SEC31A: variants seen among roughly 807,000 people sequenced by gnomAD.
SEC31A encodes the protein SEC31 homolog A, COPII component.
Under a neutral mutation model 151.0 loss-of-function variants are expected in SEC31A, and 70 were observed. The ratio of observed to expected loss-of-function variants is 0.46; its 90% CI spans 0.38 to 0.57. SEC31A has a LOEUF of 0.57. SEC31A is among the 20% of genes least tolerant of loss of function. The probability of loss-of-function intolerance (pLI) is 0.00; values close to 1 mark genes in which losing one functional copy is unlikely to be tolerated. For missense variants in SEC31A, 1,330 were observed against 1,471.2 expected, an observed-to-expected ratio of 0.90 and a Z score of 1.57; for synonymous variants, 475 against 505.9, an observed-to-expected ratio of 0.94 and a Z score of 0.82.
chr4:82,879,466 T>C (rs1738782759), intron 3 of SEC31A, among the ~76,000 whole-genome samples: 1 of 151,864 alleles, frequency 6.6e-6, no homozygotes, highest in African/African-American at 2.4e-5. Context: ...AAAGAATGTA[T>C]TCTAATGGTA....
In SEC31A at chr4:82,848,898, G is replaced by A. The variant is rs776995560; in HGVS notation, c.2408C>T (p.Pro803Leu). The A allele has an allele frequency of 6.8e-6, 11 of 1,613,922 alleles. No homozygotes were observed. Among genetic ancestry groups the A allele is most frequent in the African/African-American group, 4.0e-5 (3 of 74,874 alleles). ...PVAGHESPKI[P>L]YEKQQLPKGR... Reference sequence around the variant, plus strand: ...CTTGGGGAGCTGCTGTTTCTCGTACGGAATTTTAGGTGATTCATGTCCTGC... The same window carrying A: ...CTTGGGGAGCTGCTGTTTCTCGTACAGAATTTTAGGTGATTCATGTCCTGC... Residue 803 changes from proline to leucine, a missense_variant, in exon 20 of 27, where the codon CCG becomes CTG. Pro to Leu is a moderately conservative substitution (Grantham distance 98). Coordinates refer to ENST00000395310, the MANE Select transcript of SEC31A (RefSeq NM_001077207.4).
At chr4:82,854,324 T>G (rs1732124457) in intron 17 of SEC31A, among the ~76,000 whole-genome samples, 1 of 145,128 alleles carries the variant, frequency 6.9e-6, no homozygotes, top group African/African-American at 2.6e-5. Context: ...GATTGTGCCA[T>G]CGCACTCCAG....
chr4:82,891,138 G>GACTCTCCCAGCATTCGCCGC lies in SEC31A; in HGVS notation c.-56_-55insGCGGCGAATGCTGGGAGAGT. 1 of 1,535,918 alleles carries GACTCTCCCAGCATTCGCCGC rather than the reference G, an allele frequency of 6.5e-7. No individual in the cohort carries two copies. Among genetic ancestry groups the GACTCTCCCAGCATTCGCCGC allele is most frequent in the Non-Finnish European group, 8.7e-7 (1 of 1,146,780 alleles). ...TCCTGCGTTAGTGCAGCGCTCGTCG[G>GACTCTCCCAGCATTCGCCGC]ACTCTCCCAGCATTCGCCGCCGCCC... On this transcript the variant is annotated 5_prime_UTR_variant, in exon 1 of 27. It adds an upstream start codon to the 5' untranslated region. Coordinates refer to ENST00000395310, the MANE Select transcript of SEC31A (RefSeq NM_001077207.4).
At chr4:82,873,399 AC>A (rs1737195831) in intron 6 of SEC31A, among the ~76,000 whole-genome samples, 2 of 113,770 alleles carry the variant, frequency 1.8e-5, no homozygotes, top group Admixed American at 1.1e-4. Context: ...CACACAAGAC[AC>A]AAAAAAACCC....
At chr4:82,841,921 G>A (rs1017746130) in intron 22 of SEC31A, among the ~76,000 whole-genome samples, 4 of 151,728 alleles carry the variant, frequency 2.6e-5, no homozygotes, top group African/African-American at 4.8e-5. Flanking sequence ...GCAGTAAGCC[G>A]AGAGTGCACC....
chr4:82,844,032 A>G, intron 21 of SEC31A: 1 of 250,610 alleles, frequency 4.0e-6, no homozygotes, highest in Admixed American at 5.4e-5. Context: ...CCATTTTTCC[A>G]AAAATAATTT....
rs530602575 is a variant in SEC31A at position 82,844,439 on chromosome 4, G to C, written c.2573C>G (p.Pro858Arg). 1.9e-6 allele frequency: 3 copies of C among 1,614,022 alleles called. No individual in the cohort carries two copies. The highest frequency in any genetic ancestry group is 1.3e-5 in the African/African-American group (1 of 75,036). Residue 858 changes from proline to arginine, a missense_variant, in exon 21 of 27, where the codon CCC becomes CGC. Coordinates refer to ENST00000395310, the MANE Select transcript of SEC31A (RefSeq NM_001077207.4). ...GGTGTGCATATGACCTGGAGATGTGGGAAGCTGACCAGCAGCATTTGGATT... is the reference window on the plus strand; with the variant it reads ...GGTGTGCATATGACCTGGAGATGTGCGAAGCTGACCAGCAGCATTTGGATT... ...NVNPNAAGQL[P>R]TSPGHMHTQV...
intron 22 of SEC31A, among the ~76,000 whole-genome samples, chr4:82,837,826 T>A (rs1367222164): frequency 6.6e-6 from 1 of 152,158 alleles, no homozygotes; most frequent in African/African-American, 2.4e-5. Context: ...CTGGAAACCT[T>A]CTTAGGTACT....
chr4:82,870,311 T>C lies in SEC31A; in HGVS notation c.882+14A>G, dbSNP rs541206159. ...ATAAGGGCTACAAGGTTGAGACACA[T>C]TTCCTGCCCATACCTCTCCTGTGTT... On this transcript the variant is annotated intron_variant, in intron 8 of 26. Transcript: ENST00000395310. 2.5e-6 allele frequency: 4 copies of C among 1,600,262 alleles called. No individual in the cohort carries two copies. The highest frequency in any genetic ancestry group is 2.7e-5 in the African/African-American group (2 of 74,718).
At chr4:82,875,256 CAG>C (rs1052228585) in intron 5 of SEC31A, among the ~76,000 whole-genome samples, 40 of 152,252 alleles carry the variant, frequency 2.6e-4, no homozygotes, top group African/African-American at 8.7e-4. Context: ...TAAAGAAACT[CAG>C]GGAAGAACAG....
At chr4:82,849,475 G>A (rs1198579898) in intron 19 of SEC31A, among the ~76,000 whole-genome samples, 3 of 151,976 alleles carry the variant, frequency 2.0e-5, no homozygotes, top group Non-Finnish European at 2.9e-5. Context: ...TTAGCTGGGT[G>A]TGGTGGCGGG....
chr4:82,886,879 TTA>T (rs1740849907), intron 1 of SEC31A, among the ~76,000 whole-genome samples: 1 of 152,228 alleles, frequency 6.6e-6, no homozygotes, highest in Admixed American at 6.5e-5. Flanking sequence ...ATGTGCTATC[TTA>T]TCTCACCAAC....
At chr4:82,869,382 A>G (rs2045481) in intron 8 of SEC31A, among the ~76,000 whole-genome samples, 150,891 of 151,480 alleles carry the variant, frequency 1, 75,155 homozygotes, top group Middle Eastern at 1. Context: ...TGCCCGCCTC[A>G]GCCTCCCAAA....
intron 20 of SEC31A, chr4:82,845,275 C>T (rs1344782996): frequency 2.0e-6 from 3 of 1,528,710 alleles, no homozygotes; most frequent in Non-Finnish European, 2.6e-6. Flanking sequence ...CAGGTAGTGA[C>T]AGTAGGGGCA....
intron 25 of SEC31A, among the ~76,000 whole-genome samples, chr4:82,823,142 G>A (rs144094895): frequency 9.7e-4 from 147 of 152,214 alleles, no homozygotes; most frequent in African/African-American, 3.0e-3. Context: ...AGAGCTCCTC[G>A]GTATCCAAGA....
chr4:82,891,508 A>G (rs1719758298), upstream of SEC31A, among the ~76,000 whole-genome samples: 1 of 152,224 alleles, frequency 6.6e-6, no homozygotes, highest in Non-Finnish European at 1.5e-5. Context: ...AACGCCACGT[A>G]GCACTAGTCC....
upstream of SEC31A, among the ~76,000 whole-genome samples, chr4:82,891,694 A>G (rs929295978): frequency 6.7e-6 from 1 of 149,468 alleles, no homozygotes; most frequent in Non-Finnish European, 1.5e-5. Flanking sequence ...CCCAAAGGCT[A>G]TTGTGGACAA....
In SEC31A at chr4:82,830,929, C is replaced by A. The variant is rs1317566894; in HGVS notation, c.2969-1871G>T. On this transcript the variant is annotated intron_variant, in intron 22 of 26. Coordinates refer to ENST00000395310, the MANE Select transcript of SEC31A (RefSeq NM_001077207.4). ...GATTTCCAAAGGTATATTTTACAACCAATTCACCTTCCAACATAGGTGCCT... is the reference window on the plus strand; with the variant it reads ...GATTTCCAAAGGTATATTTTACAACAAATTCACCTTCCAACATAGGTGCCT... The A allele has an allele frequency of 5.8e-6, 7 of 1,199,324 alleles. No homozygotes were observed. The Admixed American group carries it at 2.0e-4, about 34-fold the overall frequency. The allele number at this position is 1,199,324 out of a possible 1,614,324, so 74.3% of individuals were successfully genotyped here.
At chr4:82,849,507 G>A (rs935553665) in intron 19 of SEC31A, among the ~76,000 whole-genome samples, 3 of 151,468 alleles carry the variant, frequency 2.0e-5, no homozygotes, top group Non-Finnish European at 4.4e-5. Flanking sequence ...CCAGTTACTC[G>A]GGAGGCTGAG....
Sources: allele counts gnomAD v4.1 joint callset (sites outside exome capture counted in the v4.1 genomes callset), GRCh38; gene constraint gnomAD v4.1.1; transcripts MANE v1.5; gene names NCBI Gene and HGNC (gene_info 2026-07-23, HGNC 2026-07-21).